The following XPA variants were observed in gnomAD, a reference collection of about 807,000 sequenced individuals.
XPA encodes DNA repair protein complementing XP-A cells.
XPA carries 27 observed loss-of-function variants against 35.7 expected under a neutral mutation model. The observed-to-expected ratio is 0.76, with a 90% CI of 0.56 to 1.04. XPA has a LOEUF of 1.04. XPA is among the 50% of genes least tolerant of loss of function. The pLI, the probability that XPA is intolerant of heterozygous loss-of-function variation, is 0.00. For synonymous variants in XPA, 133 were observed against 118.4 expected (o/e 1.12, Z -0.80); for missense variants, 354 against 342.7 (o/e 1.03, Z -0.26).
At chr9:97,670,048 A>C, downstream of XPA, 1 of 360,830 alleles carries the variant, frequency 2.8e-6, no homozygotes, top group South Asian at 2.3e-5. Context: ...TCAGCCTCCC[A>C]TATTGCTGGG....
At chr9:97,683,273 T>C (rs1828600375) in intron 5 of XPA, among the ~76,000 whole-genome samples, 1 of 152,214 alleles carries the variant, frequency 6.6e-6, no homozygotes, top group South Asian at 2.1e-4. Flanking sequence ...TTCACTACTT[T>C]ATCTTTCAGG....
chr9:97,685,937 T>C (rs1268321505), intron 4 of XPA, among the ~76,000 whole-genome samples: 1 of 152,228 alleles, frequency 6.6e-6, no homozygotes, highest in Non-Finnish European at 1.5e-5. Flanking sequence ...AGTCGTGATA[T>C]ATGACAAACT....
chr9:97,675,359 T>C lies in XPA; in HGVS notation c.*80A>G, dbSNP rs770358411. 4.9e-6 allele frequency: 7 copies of C among 1,428,440 alleles called. No homozygotes were observed. Among genetic ancestry groups the C allele is most frequent in the Non-Finnish European group, 6.6e-6 (7 of 1,058,464 alleles). 88.5% of individuals were successfully genotyped at this position (1,428,440 alleles called of 1,614,324 possible). A position where few individuals can be genotyped will look rare whatever the true frequency, so the allele number is the denominator to read the frequency against. On this transcript the variant is annotated 3_prime_UTR_variant, in exon 6 of 6. Transcript: ENST00000375128. ...CATCTATGAAGATGTTGCTTTTTTT[T>C]TTGAATTTTGAAAAGGACCAATCTA...
At chr9:97,658,028 T>A in the XPA span, among the ~76,000 whole-genome samples, 107 of 151,590 alleles carry the variant, frequency 7.1e-4, no homozygotes, top group African/African-American at 2.4e-3. Flanking sequence ...GCCCTATCAC[T>A]GGAATCATCT....
chr9:97,664,332 C>T, the XPA span: 2 of 1,562,308 alleles, frequency 1.3e-6, no homozygotes, highest in South Asian at 1.1e-5. Context: ...ATAATTCTCT[C>T]ATTGTAGATG....
the XPA span, chr9:97,654,839 G>C: frequency 6.4e-7 from 1 of 1,556,054 alleles, no homozygotes; most frequent in Non-Finnish European, 8.9e-7. Flanking sequence ...ACTTATTTGG[G>C]ATAAAAGTGG....
the XPA span, among the ~76,000 whole-genome samples, chr9:97,669,184 G>A: frequency 1.3e-5 from 2 of 149,426 alleles, no homozygotes; most frequent in African/African-American, 2.5e-5. Flanking sequence ...TAGTATTCTC[G>A]CATGAGCATT....
the XPA span, among the ~76,000 whole-genome samples, chr9:97,668,479 C>T: frequency 6.6e-6 from 1 of 152,112 alleles, no homozygotes; most frequent in Non-Finnish European, 1.5e-5. Context: ...ATAGGACTTG[C>T]CCAGTTTTTC....
At position 97,693,849 on chromosome 9, in the gene XPA, T is replaced by C. The variant is rs1043960006; in HGVS notation, c.173-90A>G. ...AAATAGAAAATTCCTTTGAATTCAA[T>C]ATATCTCAAACAACACAAGGATGTC... On this transcript the variant is annotated intron_variant, in intron 1 of 5. Coordinates refer to ENST00000375128, the MANE Select transcript of XPA (RefSeq NM_000380.4). 2.6e-6 allele frequency: 3 copies of C among 1,175,680 alleles called. No homozygotes were observed. In the African/African-American group the frequency reaches 4.5e-5, roughly 18 times the overall value. The allele number at this position is 1,175,680 out of a possible 1,614,324, so 72.8% of individuals were successfully genotyped here.
intron 5 of XPA, among the ~76,000 whole-genome samples, chr9:97,678,727 T>C (rs1021851468): frequency 6.6e-6 from 1 of 152,194 alleles, no homozygotes; most frequent in African/African-American, 2.4e-5. Context: ...AATTTCTTTT[T>C]GCTTATCAAA....
At chr9:97,674,511 A>ATTTTAACTAACTGGAATTTGTTT (rs1302643760), downstream of XPA, among the ~76,000 whole-genome samples, 2 of 152,228 alleles carry the variant, frequency 1.3e-5, no homozygotes, top group African/African-American at 4.8e-5. Context: ...ATATCAGGTT[A>ATTTTAACTAACTGGAATTTGTTT]TTTTAACTAA....
the XPA span, among the ~76,000 whole-genome samples, chr9:97,656,512 C>T: frequency 6.6e-6 from 1 of 152,142 alleles, no homozygotes; most frequent in African/African-American, 2.4e-5. Context: ...GATGGCGCCA[C>T]TGCACTCCAA....
chr9:97,669,723 G>A, the XPA span: 27 of 1,471,962 alleles, frequency 1.8e-5, no homozygotes, highest in African/African-American at 1.8e-4. Context: ...GGGGAACTTC[G>A]ATTAGGTAAT....
At chr9:97,669,297 T>A in the XPA span, among the ~76,000 whole-genome samples, 1 of 152,192 alleles carries the variant, frequency 6.6e-6, no homozygotes, top group Non-Finnish European at 1.5e-5. Context: ...TTTTAATGCA[T>A]AGATTCCTGT....
intron 1 of XPA, 139 bp downstream of exon 1, chr9:97,696,982 T>C: frequency 1.7e-6 from 2 of 1,187,336 alleles, no homozygotes; most frequent in Non-Finnish European, 2.3e-6. Context: ...GGATTCCCTC[T>C]CCGACTCGGG....
chr9:97,694,535 T>C (rs1828986793), intron 1 of XPA, among the ~76,000 whole-genome samples: 1 of 152,158 alleles, frequency 6.6e-6, no homozygotes, highest in Non-Finnish European at 1.5e-5. Flanking sequence ...CTCTAATCAT[T>C]AGGAAAATAC....
At chr9:97,674,668 A>G (rs999935168), downstream of XPA, among the ~76,000 whole-genome samples, 7 of 152,244 alleles carry the variant, frequency 4.6e-5, no homozygotes, top group African/African-American at 1.7e-4. Context: ...AGCAGCATGG[A>G]AGCAAGCCTG....
chr9:97,668,883 A>G, the XPA span: 1 of 1,613,856 alleles, frequency 6.2e-7, no homozygotes, highest in South Asian at 1.1e-5. Context: ...GACAGGAAAG[A>G]CGGGGTTCTT....
At chr9:97,681,774 G>T (rs1380225735) in intron 5 of XPA, among the ~76,000 whole-genome samples, 2 of 152,134 alleles carry the variant, frequency 1.3e-5, no homozygotes, top group African/African-American at 4.8e-5. Flanking sequence ...TCTGTAATGT[G>T]TAACAGTCCT....
Sources: gnomAD v4.1 joint callset for allele counts (sites outside exome capture counted in the v4.1 genomes callset) on GRCh38, gnomAD v4.1.1 for gene constraint, MANE v1.5 for transcripts, NCBI Gene and HGNC (gene_info 2026-07-23, HGNC 2026-07-21) for gene names.